RPS15A: variants seen among roughly 807,000 people sequenced by gnomAD.
The protein encoded by RPS15A is ribosomal protein S15a.
For missense variants in RPS15A, 62 were observed against 163.4 expected, an observed-to-expected ratio of 0.38 and a Z score of 3.38; for synonymous variants, 55 against 58.5, an observed-to-expected ratio of 0.94 and a Z score of 0.27.
rs766090010 is a variant in RPS15A, at chr16:18,789,009, G to C, written c.105C>G (p.Val35=). Residue 35 remains valine, a synonymous_variant, in exon 2 of 5, where the codon GTC becomes GTG. Transcript: ENST00000322989. ...VLIRPCSKVI[V]RFLTVMMKHG... is the part of the protein sequence containing the mutation. ...GCTTCATCATCACAGTGAGAAACCG[G>C]ACGATGACTTTGGAGCACGGCCTAA... 5.0e-6 allele frequency: 8 copies of C among 1,613,950 alleles called. No individual in the cohort carries two copies. In the Admixed American group the frequency reaches 5.0e-5, roughly 10 times the overall value.
At chr16:18,787,220 C>A (rs879482967) in intron 3 of RPS15A, among the ~76,000 whole-genome samples, 2 of 152,184 alleles carry the variant, frequency 1.3e-5, no homozygotes, top group South Asian at 2.1e-4. Context: ...CTCTTTCCCC[C>A]CTATCTGTTG....
intron 4 of RPS15A, 85 bp from the exon 5 acceptor site, chr16:18,783,187 G>A (rs1247044488): frequency 2.3e-6 from 2 of 852,538 alleles, no homozygotes; most frequent in African/African-American, 3.4e-5. Flanking sequence ...ACACTCATCA[G>A]TGGTTAAGGG....
chr16:18,788,932 C>T (rs750329456), intron 2 of RPS15A, 49 bp downstream of exon 2: 77 of 1,578,592 alleles, frequency 4.9e-5, no homozygotes, highest in Non-Finnish European at 6.3e-5. Flanking sequence ...GGACTGATTT[C>T]TTAGAGAGTC....
intron 4 of RPS15A, chr16:18,784,427 G>C (rs563332799): frequency 4.5e-6 from 1 of 223,762 alleles, no homozygotes; most frequent in South Asian, 8.6e-5. Flanking sequence ...TTGTATTTTA[G>C]GTAGACACGG....
intron 4 of RPS15A, chr16:18,783,537 G>A: frequency 2.5e-6 from 1 of 394,686 alleles, no homozygotes; most frequent in South Asian, 1.9e-5. Context: ...TGCTTCATGA[G>A]TTACTGTGGG....
At chr16:18,787,784 C>T (rs969716052) in intron 3 of RPS15A, among the ~76,000 whole-genome samples, 6 of 152,138 alleles carry the variant, frequency 3.9e-5, no homozygotes, top group East Asian at 1.9e-4. Flanking sequence ...AGGTGGGTAG[C>T]GTTAACATCC....
intron 4 of RPS15A, 57 bp downstream of exon 4, chr16:18,784,681 C>T: frequency 7.6e-7 from 1 of 1,323,092 alleles, no homozygotes; most frequent in South Asian, 1.3e-5. Flanking sequence ...TTAAGTCAAA[C>T]TGCACCACAG....
intron 1 of RPS15A, among the ~76,000 whole-genome samples, chr16:18,789,325 C>T (rs983008734): frequency 6.6e-6 from 1 of 152,214 alleles, no homozygotes; most frequent in Non-Finnish European, 1.5e-5. Flanking sequence ...GGGACGTCAG[C>T]CTGCACATTT....
At chr16:18,785,944 C>G (rs1384175648) in intron 3 of RPS15A, 1 of 152,202 alleles carries the variant, frequency 6.6e-6, no homozygotes, top group Admixed American at 6.5e-5. Context: ...AGGATGTGAT[C>G]AAGGCCAGAA....
chr16:18,790,037 C>G (rs1257517049), intron 1 of RPS15A: 2 of 152,386 alleles, frequency 1.3e-5, no homozygotes, highest in African/African-American at 4.8e-5. Flanking sequence ...ACGCTGCGGC[C>G]CGAACCGGAG....
At chr16:18,789,176 C>T in intron 1 of RPS15A, 58 bp from the exon 2 acceptor site, 1 of 1,524,424 alleles carries the variant, frequency 6.6e-7, no homozygotes, top group Admixed American at 1.9e-5. Context: ...CAACAGACAC[C>T]AACCATTACA....
intron 3 of RPS15A, chr16:18,786,824 T>C (rs2029893630): frequency 6.6e-6 from 1 of 152,226 alleles, no homozygotes; most frequent in Admixed American, 6.5e-5. Context: ...GGGGTTCTAA[T>C]GGCTACAACT....
In RPS15A at chr16:18,788,841, C is replaced by T. The variant is rs182525089; in HGVS notation, c.133+140G>A. On this transcript the variant is annotated intron_variant, in intron 2 of 4. Coordinates refer to ENST00000322989, the MANE Select transcript of RPS15A (RefSeq NM_001019.5). The stretch of plus-strand genomic sequence containing the variant: ...CTCTTCAGCAGTTTCAGACTATCCC[C>T]TCCTCCACAGCCCACAGGTCAATTG... 1.1e-5 allele frequency: 9 copies of T among 852,058 alleles called. No homozygotes were observed. The East Asian group carries it at 1.5e-4, about 15-fold the overall frequency. 52.8% of individuals were successfully genotyped at this position (852,058 alleles called of 1,614,324 possible).
intron 1 of RPS15A, among the ~76,000 whole-genome samples, chr16:18,789,364 T>A (rs778035119): frequency 3.3e-5 from 5 of 152,302 alleles, no homozygotes; most frequent in Non-Finnish European, 7.3e-5. Context: ...TAACCACTCT[T>A]CTTCGAATCG....
chr16:18,782,842 T>C lies in RPS15A; in HGVS notation c.*167A>G. On this transcript the variant is annotated 3_prime_UTR_variant, in exon 5 of 5. Transcript: ENST00000322989. ...GGCATACTGGTTTCATAAGAACTTT[T>C]TCCCTTGGCTGTATTAGTCACTTCA... The C allele has an allele frequency of 1.8e-6, 1 of 544,324 alleles. No homozygotes were observed. The highest frequency in any genetic ancestry group is 3.2e-6 in the Non-Finnish European group (1 of 308,448). 33.7% of individuals were successfully genotyped at this position (544,324 alleles called of 1,614,324 possible).
intron 3 of RPS15A, chr16:18,785,705 C>G (rs528594447): frequency 1.1e-4 from 16 of 152,336 alleles, no homozygotes; most frequent in African/African-American, 3.1e-4. Flanking sequence ...ATTACCCCAT[C>G]AGCTATGCTG....
chr16:18,788,426 AAAG>A (rs1331633795), intron 2 of RPS15A: 8 of 399,606 alleles, frequency 2.0e-5, no homozygotes, highest in Admixed American at 8.5e-5. Flanking sequence ...ACTTTGTGCC[AAAG>A]AAGTGCAATA....
chr16:18,790,066 G>T (rs1037442321), intron 1 of RPS15A, 178 bp downstream of exon 1: 1 of 152,506 alleles, frequency 6.6e-6, no homozygotes, highest in Non-Finnish European at 1.5e-5. Flanking sequence ...TAGCTGGGCA[G>T]TCGAAGGCTC....
chr16:18,784,892 G>A (rs900688117), intron 3 of RPS15A, 69 bp from the exon 4 acceptor site: 42 of 1,260,576 alleles, frequency 3.3e-5, no homozygotes, highest in Non-Finnish European at 4.7e-5. Flanking sequence ...AGTAACACAA[G>A]ATGACATTCA....
Sources: gnomAD v4.1 joint callset for allele counts (sites outside exome capture counted in the v4.1 genomes callset) on GRCh38, gnomAD v4.1.1 for gene constraint, MANE v1.5 for transcripts, NCBI Gene and HGNC (gene_info 2026-07-23, HGNC 2026-07-21) for gene names.